Variants in AJAP1 observed in about 807,000 individuals in gnomAD.
The protein encoded by AJAP1 is adherens junctions associated protein 1, also known as adherens junction-associated protein 1.
In AJAP1, 5 loss-of-function variants were observed where a neutral mutation model predicts 35.0. The observed-to-expected ratio is 0.14, with a 90% confidence interval of 0.07 to 0.30. The LOEUF (loss-of-function observed/expected upper bound fraction) is 0.30. Ranked by LOEUF, AJAP1 falls within the 10% of genes least tolerant of loss-of-function variation. The pLI is 1.00. For synonymous variants in AJAP1, 284 were observed against 249.3 expected (o/e 1.14, Z -1.31); for missense variants, 586 against 571.0 (o/e 1.03, Z -0.27).
Position 4,696,506 on chromosome 1 carries a change from C to T in AJAP1, c.30-15394C>T, listed in dbSNP as rs79524722. Among the ~76,000 whole-genome samples, 122 of 152,324 alleles carry T rather than the reference C, an allele frequency of 8.0e-4. 1 individual carries two copies. Among genetic ancestry groups the T allele is most frequent in the South Asian group, 7.5e-3 (36 of 4,826 alleles). Reference sequence around the variant, plus strand: ...CTACAGTGCTTCATCCCCATGCTGACGGGCAGCCGCCAGGGCAGCTGTATG... The same window carrying T: ...CTACAGTGCTTCATCCCCATGCTGATGGGCAGCCGCCAGGGCAGCTGTATG... On this transcript the variant is annotated intron_variant, in intron 1 of 5. Transcript: ENST00000378191.
At chr1:4,714,446 T>C (rs1640342282) in intron 2 of AJAP1, among the ~76,000 whole-genome samples, 9 of 152,216 alleles carry the variant, frequency 5.9e-5, no homozygotes, top group Admixed American at 5.9e-4. Flanking sequence ...TGTCACCTCC[T>C]CTGTATACGT....
At chr1:4,677,146 A>G (rs1288163507) in intron 1 of AJAP1, among the ~76,000 whole-genome samples, 1 of 152,206 alleles carries the variant, frequency 6.6e-6, no homozygotes, top group Non-Finnish European at 1.5e-5. Flanking sequence ...GACAAAAGTG[A>G]GAATCCGTCT....
intron 1 of AJAP1, among the ~76,000 whole-genome samples, chr1:4,670,413 G>A (rs1313572749): frequency 6.6e-6 from 1 of 152,162 alleles, no homozygotes; most frequent in African/African-American, 2.4e-5. Context: ...TCAGAGCTGA[G>A]CCATGTGATC....
chr1:4,689,141 G>A (rs1255764741), intron 1 of AJAP1, among the ~76,000 whole-genome samples: 2 of 152,132 alleles, frequency 1.3e-5, no homozygotes, highest in African/African-American at 4.8e-5. Context: ...GAGGGAATGG[G>A]TGTCCAGAAC....
chr1:4,660,449 T>C (rs1427338759), intron 1 of AJAP1, among the ~76,000 whole-genome samples: 2 of 151,964 alleles, frequency 1.3e-5, no homozygotes, highest in Non-Finnish European at 2.9e-5. Flanking sequence ...TATTGTCGTT[T>C]TGCAAATGTT....
At chr1:4,704,743 C>T (rs1232414309) in intron 1 of AJAP1, among the ~76,000 whole-genome samples, 14 of 152,148 alleles carry the variant, frequency 9.2e-5, no homozygotes, top group Non-Finnish European at 1.6e-4. Context: ...CTGACTTCCA[C>T]GATGGTTAAA....
chr1:4,770,749 A>T (rs1641816135), intron 3 of AJAP1, among the ~76,000 whole-genome samples: 1 of 152,196 alleles, frequency 6.6e-6, no homozygotes, highest in African/African-American at 2.4e-5. Context: ...ACAGGGGAAC[A>T]CAAGAAAGAG....
chr1:4,779,642 G>A (rs140617804), intron 5 of AJAP1, among the ~76,000 whole-genome samples: 1,902 of 152,140 alleles, frequency 0.013, 40 homozygotes, highest in African/African-American at 0.043. Flanking sequence ...ATGACTTACG[G>A]TCCAACCCTG....
At chr1:4,732,418 G>GGT (rs1640821081) in intron 2 of AJAP1, among the ~76,000 whole-genome samples, 1 of 152,260 alleles carries the variant, frequency 6.6e-6, no homozygotes, top group Admixed American at 6.5e-5. Context: ...GGCTGCTGGA[G>GGT]AGGGGACCTC....
chr1:4,755,949 T>C (rs1641420625), intron 2 of AJAP1, among the ~76,000 whole-genome samples: 1 of 151,966 alleles, frequency 6.6e-6, no homozygotes, highest in African/African-American at 2.4e-5. Context: ...GGGTGAAGGA[T>C]GACAACGGAT....
Position 4,712,069 on chromosome 1 carries a change from A to C in AJAP1, c.199A>C (p.Arg67=). The C allele has an allele frequency of 6.3e-7, 1 of 1,580,044 alleles. No individual in the cohort carries two copies. Among genetic ancestry groups the C allele is most frequent in the Non-Finnish European group, 8.6e-7 (1 of 1,167,570 alleles). ...PPRPPRLWSF[R]SGQPARVPAP... is the part of the protein sequence containing the mutation. The stretch of plus-strand genomic sequence containing the variant: ...CCGGCCGCCCCGGCTGTGGAGTTTT[A>C]GGAGTGGACAGCCAGCGCGGGTCCC... The change falls in exon 2 of 6, where the codon AGG becomes CGG. Residue 67 remains arginine, a synonymous_variant. Transcript: ENST00000378191.
chr1:4,766,125 C>T (rs573969187), intron 2 of AJAP1, among the ~76,000 whole-genome samples: 3 of 152,344 alleles, frequency 2.0e-5, no homozygotes, highest in African/African-American at 4.8e-5. Flanking sequence ...AACTGTGGTC[C>T]ATGGGCCAAA....
At chr1:4,684,833 T>G (rs1411378860) in intron 1 of AJAP1, among the ~76,000 whole-genome samples, 1 of 152,098 alleles carries the variant, frequency 6.6e-6, no homozygotes, top group Non-Finnish European at 1.5e-5. Context: ...CCCAGCCCCT[T>G]GCCTGTGCCA....
chr1:4,696,865 TTGTG>T (rs951555268), intron 1 of AJAP1, among the ~76,000 whole-genome samples: 31 of 151,282 alleles, frequency 2.0e-4, no homozygotes, highest in African/African-American at 7.5e-4. Flanking sequence ...CAAGATGTGT[TTGTG>T]TGTATGCACC....
At chr1:4,719,009 T>G (rs1640458271) in intron 2 of AJAP1, among the ~76,000 whole-genome samples, 1 of 152,198 alleles carries the variant, frequency 6.6e-6, no homozygotes, top group Admixed American at 6.5e-5. Flanking sequence ...TTGTAGGATA[T>G]GCCTTTCCTT....
chr1:4,656,967 C>T lies in AJAP1; in HGVS notation c.29+1513C>T, dbSNP rs1638895691. Among the ~76,000 whole-genome samples the T allele has an allele frequency of 6.6e-6, 1 of 152,124 alleles. No individual in the cohort carries two copies. Among genetic ancestry groups the T allele is most frequent in the Non-Finnish European group, 1.5e-5 (1 of 68,024 alleles). Reference sequence around the variant, plus strand: ...ATCCCCTGCTCTGCCCCGGACTGTCCCAGGTCTCAGCAAGACCTTCCAAGG... The same window carrying T: ...ATCCCCTGCTCTGCCCCGGACTGTCTCAGGTCTCAGCAAGACCTTCCAAGG... On this transcript the variant is annotated intron_variant, in intron 1 of 5. Transcript: ENST00000378191. The surrounding 1 kb of genome is among the most constrained non-coding windows in gnomAD (Gnocchi z 5.7).
At chr1:4,663,978 T>A (rs538664062) in intron 1 of AJAP1, among the ~76,000 whole-genome samples, 79 of 152,294 alleles carry the variant, frequency 5.2e-4, no homozygotes, top group African/African-American at 1.7e-3. Flanking sequence ...CTGAGGCCTG[T>A]GTATGCAACA....
At chr1:4,683,686 CT>C (rs1274312579) in intron 1 of AJAP1, among the ~76,000 whole-genome samples, 4 of 152,228 alleles carry the variant, frequency 2.6e-5, no homozygotes, top group Admixed American at 2.6e-4. Flanking sequence ...CTCCATGGGA[CT>C]CACCTGGCTG....
intron 5 of AJAP1, among the ~76,000 whole-genome samples, chr1:4,776,945 C>G (rs1333351449): frequency 6.6e-6 from 1 of 152,234 alleles, no homozygotes; most frequent in Non-Finnish European, 1.5e-5. Flanking sequence ...CGACACGAAG[C>G]CACGGCCCAC....
Sources: gnomAD v4.1 joint callset for allele counts (sites outside exome capture counted in the v4.1 genomes callset) on GRCh38, gnomAD v4.1.1 for gene constraint, Gnocchi (gnomAD v3.1) non-coding constraint, MANE v1.5 for transcripts, NCBI Gene and HGNC (gene_info 2026-07-23, HGNC 2026-07-21) for gene names.